The following ENPP1 variants were observed in gnomAD, a reference collection of about 807,000 sequenced individuals.
ENPP1 encodes ectonucleotide pyrophosphatase/phosphodiesterase family member 1.
A neutral mutation model predicts 122.8 loss-of-function variants in ENPP1; 73 were observed. That is an observed-to-expected ratio of 0.59 (90% confidence interval 0.49 to 0.72). ENPP1 has a LOEUF of 0.72. ENPP1 is among the 30% of genes least tolerant of loss of function. ENPP1 has a pLI of 0.00. For missense variants in ENPP1, 978 were observed against 1,128.1 expected (o/e 0.87, Z 1.91); for synonymous variants, 367 against 391.6 (o/e 0.94, Z 0.74).
chr6:131,861,439 A>G (rs1279424404), intron 8 of ENPP1, among the ~76,000 whole-genome samples, 156 bp from the exon 9 acceptor site: 1 of 152,224 alleles, frequency 6.6e-6, no homozygotes, highest in African/African-American at 2.4e-5. Context: ...CTTAAGAGTC[A>G]TATTACATGA....
At chr6:131,811,355 CAT>C (rs1489541749) in intron 1 of ENPP1, among the ~76,000 whole-genome samples, 13 of 128,908 alleles carry the variant, frequency 1.0e-4, no homozygotes, top group Non-Finnish European at 1.9e-4. Context: ...TTTAAAAAAA[CAT>C]ATATCTATAT....
At chr6:131,842,884 GA>G (rs869126845) in intron 1 of ENPP1, among the ~76,000 whole-genome samples, 2 of 151,932 alleles carry the variant, frequency 1.3e-5, no homozygotes, top group Non-Finnish European at 2.9e-5. Flanking sequence ...ATTGGTGAGG[GA>G]AAAAAATTTT....
chr6:131,864,831 C>T (rs759054153), intron 10 of ENPP1, 35 bp from the exon 11 acceptor site: 44 of 1,345,236 alleles, frequency 3.3e-5, no homozygotes, highest in Middle Eastern at 1.9e-4. Context: ...TCAATGTGTT[C>T]GTAAAATATT....
chr6:131,864,448 T>C (rs2114706458), intron 9 of ENPP1, 58 bp from the exon 10 acceptor site: 6 of 1,144,110 alleles, frequency 5.2e-6, no homozygotes, highest in Admixed American at 3.5e-5. Flanking sequence ...AAAAAAACTA[T>C]ATTTTACACC....
chr6:131,864,445 C>A, intron 9 of ENPP1, 61 bp from the exon 10 acceptor site: 1 of 1,112,490 alleles, frequency 9.0e-7, no homozygotes, highest in Non-Finnish European at 1.4e-6. Context: ...ATGAAAAAAA[C>A]TATATTTTAC....
chr6:131,837,185 T>C (rs1007277810), intron 1 of ENPP1, among the ~76,000 whole-genome samples: 3 of 150,508 alleles, frequency 2.0e-5, no homozygotes, highest in African/African-American at 7.3e-5. Flanking sequence ...TGTGTGTGTG[T>C]GTGTGTGTGT....
At chr6:131,845,118 G>T (rs1781791906) in intron 1 of ENPP1, among the ~76,000 whole-genome samples, 1 of 138,958 alleles carries the variant, frequency 7.2e-6, no homozygotes, top group African/African-American at 2.7e-5. Context: ...GAGTGCAGTG[G>T]TGCGATCTTG....
chr6:131,869,556 C>T (rs1782133628), intron 13 of ENPP1, 67 bp downstream of exon 13: 1 of 1,536,426 alleles, frequency 6.5e-7, no homozygotes, highest in South Asian at 1.1e-5. Flanking sequence ...AGGCCGGGCA[C>T]AGTGGCTCAT....
At chr6:131,811,910 G>T (rs983320423) in intron 1 of ENPP1, among the ~76,000 whole-genome samples, 2 of 152,200 alleles carry the variant, frequency 1.3e-5, no homozygotes, top group Non-Finnish European at 2.9e-5. Flanking sequence ...TGCTGGGAAG[G>T]CTCATTTCCG....
chr6:131,819,619 G>A (rs942934714), intron 1 of ENPP1, among the ~76,000 whole-genome samples: 4 of 152,214 alleles, frequency 2.6e-5, no homozygotes, highest in African/African-American at 7.2e-5. Flanking sequence ...CTGCATGTCA[G>A]TCAGCCAGTT....
chr6:131,868,270 C>A (rs1049223650), intron 12 of ENPP1, 144 bp downstream of exon 12: 13 of 630,706 alleles, frequency 2.1e-5, no homozygotes, highest in Admixed American at 5.3e-5. Flanking sequence ...GAAAAAAATA[C>A]ATTAAATATA....
At chr6:131,816,163 C>A (rs1781411672) in intron 1 of ENPP1, among the ~76,000 whole-genome samples, 1 of 152,150 alleles carries the variant, frequency 6.6e-6, no homozygotes, top group East Asian at 1.9e-4. Context: ...ATTTAAGATA[C>A]AGCAAATGTA....
chr6:131,860,992 C>T (rs1165862020), intron 8 of ENPP1, among the ~76,000 whole-genome samples: 4 of 151,830 alleles, frequency 2.6e-5, no homozygotes, highest in East Asian at 1.9e-4. Context: ...TAAAAATTGC[C>T]ACAATAATTA....
rs144599690 is a variant in ENPP1, at chr6:131,845,914, T to TAC, written c.241-1850_241-1849dup. Among the ~76,000 whole-genome samples, 564 of 152,124 alleles carry TAC rather than the reference T, an allele frequency of 3.7e-3. 8 individuals are homozygous for TAC. Among genetic ancestry groups the TAC allele is most frequent in the African/African-American group, 0.013 (541 of 41,512 alleles). On this transcript the variant is annotated intron_variant, in intron 1 of 24. Coordinates refer to ENST00000647893, the MANE Select transcript of ENPP1 (RefSeq NM_006208.3). ...TGATACCTCCTTATTTTAAGGAATA[T>TAC]ACACACACACACAAAGAAAAACACA... is the stretch of plus-strand genomic sequence containing the variant.
intron 22 of ENPP1, among the ~76,000 whole-genome samples, chr6:131,884,294 G>A (rs1782349466): frequency 6.6e-6 from 1 of 152,184 alleles, no homozygotes; most frequent in South Asian, 2.1e-4. Context: ...GATATTAATA[G>A]GAAATCGGAA....
intron 1 of ENPP1, among the ~76,000 whole-genome samples, chr6:131,812,394 A>G (rs561156073): frequency 3.2e-4 from 49 of 152,324 alleles, no homozygotes; most frequent in African/African-American, 1.1e-3. Flanking sequence ...TGGCCCTTCT[A>G]ACGTGGCTAG....
At chr6:131,828,733 C>T (rs1781576053) in intron 1 of ENPP1, among the ~76,000 whole-genome samples, 1 of 152,232 alleles carries the variant, frequency 6.6e-6, no homozygotes, top group South Asian at 2.1e-4. Context: ...CTGTGTGACT[C>T]CAGTCCCGGG....
chr6:131,887,276 T>G (rs569666712), intron 24 of ENPP1, among the ~76,000 whole-genome samples: 1 of 152,332 alleles, frequency 6.6e-6, no homozygotes, highest in Non-Finnish European at 1.5e-5. Flanking sequence ...TTTTCCTTTC[T>G]TATCGTATTG....
intron 1 of ENPP1, among the ~76,000 whole-genome samples, chr6:131,808,643 T>G (rs1781311943): frequency 6.6e-6 from 1 of 152,224 alleles, no homozygotes; most frequent in Non-Finnish European, 1.5e-5. Context: ...ATCAATGTGT[T>G]GCTTCTTTTA....
Sources: allele counts gnomAD v4.1 joint callset (sites outside exome capture counted in the v4.1 genomes callset), GRCh38; gene constraint gnomAD v4.1.1; transcripts MANE v1.5; gene names NCBI Gene and HGNC (gene_info 2026-07-23, HGNC 2026-07-21).